Variants in GPR149 observed in about 807,000 individuals in gnomAD.
GPR149 encodes probable G protein-coupled receptor 149.
Under a neutral mutation model 50.2 loss-of-function variants are expected in GPR149, and 50 were observed. That is an observed-to-expected ratio of 1.00 (90% confidence interval 0.79 to 1.26). GPR149 has a LOEUF of 1.26. GPR149 is among the 50% of genes most tolerant of loss of function. GPR149 has a pLI of 0.00. For synonymous variants in GPR149, 405 were observed against 358.2 expected (o/e 1.13, Z -1.48); for missense variants, 983 against 895.4 (o/e 1.10, Z -1.25).
chr3:154,410,968 G>T (rs1452147654), intron 3 of GPR149, among the ~76,000 whole-genome samples: 1 of 151,890 alleles, frequency 6.6e-6, no homozygotes, highest in East Asian at 1.9e-4. Flanking sequence ...GTAAATTTAA[G>T]AAAATTAACA....
At chr3:154,353,103 A>G (rs1280332536) in intron 3 of GPR149, 17 of 1,472,040 alleles carry the variant, frequency 1.2e-5, no homozygotes, top group South Asian at 2.3e-5. Context: ...ATTCTGTTTT[A>G]TGTGTGGATT....
In GPR149 at chr3:154,409,038, T is replaced by C. The variant is rs912259577; in HGVS notation, c.1623+12001A>G. On this transcript the variant is annotated intron_variant, in intron 3 of 3. Coordinates refer to ENST00000389740, the MANE Select transcript of GPR149 (RefSeq NM_001038705.3). Reference sequence around the variant, plus strand: ...TATCCGTGTCTGCAAGATCTGAAGATGATCACATCACAGGACTCTTTGCAG... The same window carrying C: ...TATCCGTGTCTGCAAGATCTGAAGACGATCACATCACAGGACTCTTTGCAG... 4.6e-5 allele frequency among the ~76,000 whole-genome samples: 7 copies of C among 152,214 alleles called. 1 individual carries two copies. The highest frequency in any genetic ancestry group is 1.2e-4 in the African/African-American group (5 of 41,460).
At chr3:154,348,460 G>T (rs1713985470) in intron 3 of GPR149, among the ~76,000 whole-genome samples, 1 of 152,112 alleles carries the variant, frequency 6.6e-6, no homozygotes, top group Non-Finnish European at 1.5e-5. Context: ...TGGCTATAGT[G>T]ATATCACATA....
Position 154,429,046 on chromosome 3 carries a change from G to C in GPR149, c.570C>G (p.Tyr190Ter), listed in dbSNP as rs1283242910. Residue 190 changes from tyrosine (Y) to a stop codon, truncating the protein, a stop_gained, in exon 1 of 4, where the codon TAC (tyrosine) becomes TAG (stop). Transcript: ENST00000389740. LOFTEE classifies it high-confidence loss of function. ...WGCLVDCSSSYVLFLSIVYAL... is the reference protein window; with the variant it reads ...WGCLVDCSSS ...CGTACACGATAGAGAGGAATAGTAC[G>C]TAGGAGCTGGAGCAGTCCACCAGGC... 2 of 1,613,986 alleles carry C rather than the reference G, an allele frequency of 1.2e-6. No homozygotes were observed. Among genetic ancestry groups the C allele is most frequent in the East Asian group, 2.2e-5 (1 of 44,856 alleles).
At chr3:154,347,511 G>A (rs1713959667) in intron 3 of GPR149, among the ~76,000 whole-genome samples, 1 of 152,166 alleles carries the variant, frequency 6.6e-6, no homozygotes, top group Admixed American at 6.5e-5. Flanking sequence ...ATGATGTGTG[G>A]GGATTATGGG....
intron 3 of GPR149, among the ~76,000 whole-genome samples, chr3:154,367,922 C>T (rs1443751429): frequency 5.3e-5 from 8 of 152,200 alleles, no homozygotes; most frequent in Admixed American, 5.2e-4. Context: ...AGAGGCTAAA[C>T]TGGGCACCTG....
intron 3 of GPR149, among the ~76,000 whole-genome samples, chr3:154,401,304 C>T (rs1327320471): frequency 6.6e-6 from 1 of 152,162 alleles, no homozygotes; most frequent in Non-Finnish European, 1.5e-5. Context: ...GAAAAGGTGG[C>T]TCTTGAATAG....
At chr3:154,348,762 G>C (rs1426822720) in intron 3 of GPR149, among the ~76,000 whole-genome samples, 1 of 152,234 alleles carries the variant, frequency 6.6e-6, no homozygotes, top group African/African-American at 2.4e-5. Flanking sequence ...ATCAACATTT[G>C]TAGAAAATGT....
intron 2 of GPR149, among the ~76,000 whole-genome samples, chr3:154,424,369 G>A (rs1712235244): frequency 6.6e-6 from 1 of 151,734 alleles, no homozygotes; most frequent in Non-Finnish European, 1.5e-5. Context: ...AATCATGCTT[G>A]GTGTGATAGG....
intron 3 of GPR149, among the ~76,000 whole-genome samples, chr3:154,346,203 C>T (rs1400134270): frequency 1.3e-5 from 2 of 151,926 alleles, no homozygotes; most frequent in Non-Finnish European, 2.9e-5. Context: ...AAGTGGAACA[C>T]GACCATTTAA....
At chr3:154,406,778 GA>G (rs1162517876) in intron 3 of GPR149, among the ~76,000 whole-genome samples, 21 of 152,186 alleles carry the variant, frequency 1.4e-4, no homozygotes, top group African/African-American at 4.8e-4. Flanking sequence ...GAACAAGGTG[GA>G]AAGAATGAGA....
intron 3 of GPR149, among the ~76,000 whole-genome samples, chr3:154,398,038 C>T (rs1715334825): frequency 7.0e-6 from 1 of 143,188 alleles, no homozygotes; most frequent in South Asian, 2.3e-4. Context: ...ATGTGCTACA[C>T]ATTCTTTATA....
chr3:154,396,132 G>A lies in GPR149; in HGVS notation c.1623+24907C>T, dbSNP rs185498515. 2.2e-3 allele frequency among the ~76,000 whole-genome samples: 329 copies of A among 151,910 alleles called. 1 individual carries two copies. Among genetic ancestry groups the A allele is most frequent in the African/African-American group, 7.3e-3 (301 of 41,434 alleles). On this transcript the variant is annotated intron_variant, in intron 3 of 3. Coordinates refer to ENST00000389740, the MANE Select transcript of GPR149 (RefSeq NM_001038705.3). The stretch of plus-strand genomic sequence containing the variant: ...ATAAAATTACATAAATTTTTCATTC[G>A]GATCAACTCCCATTTTTAAATTAGG...
rs763019058 is a variant in GPR149, at chr3:154,337,777, C to T, written c.2118G>A (p.Glu706=). The change falls in exon 4 of 4, where the codon GAG becomes GAA. Residue 706 remains glutamate (E), a synonymous_variant. Coordinates refer to ENST00000389740, the MANE Select transcript of GPR149 (RefSeq NM_001038705.3). ...HRQNSKRQHQ[E]RDGYQEEIQL... ...GGATTTCCTCCTGGTAGCCATCCCTCTCTTGATGCTGCCTTTTACTGTTCT... is the reference window on the plus strand; with the variant it reads ...GGATTTCCTCCTGGTAGCCATCCCTTTCTTGATGCTGCCTTTTACTGTTCT... 3 of 1,613,674 alleles carry T rather than the reference C, an allele frequency of 1.9e-6. No homozygotes were observed. The Admixed American group carries it at 5.0e-5, about 27-fold the overall frequency.
Position 154,359,198 on chromosome 3 carries a change from A to G in GPR149, c.1624-20927T>C, listed in dbSNP as rs180900281. On this transcript the variant is annotated intron_variant, in intron 3 of 3. Transcript: ENST00000389740. ...TCTAGAAAATAATTTGATAAGTTTAATATTTATGCCTTAAAAACATAACAT... is the reference window on the plus strand; with the variant it reads ...TCTAGAAAATAATTTGATAAGTTTAGTATTTATGCCTTAAAAACATAACAT... 1.6e-3 allele frequency among the ~76,000 whole-genome samples: 245 copies of G among 152,304 alleles called. 1 individual carries two copies. The highest frequency in any genetic ancestry group is 5.6e-3 in the African/African-American group (232 of 41,564).
Position 154,409,688 on chromosome 3 carries a change from A to G in GPR149, c.1623+11351T>C, listed in dbSNP as rs187261008. ...CAAATCCATCAAAGATACAGAAAAA[A>G]GAATTTTTAAAAATGTACAAAGCCT... On this transcript the variant is annotated intron_variant, in intron 3 of 3. Coordinates refer to ENST00000389740, the MANE Select transcript of GPR149 (RefSeq NM_001038705.3). Among the ~76,000 whole-genome samples the G allele has an allele frequency of 1.2e-4, 18 of 152,258 alleles. No homozygotes were observed. In the East Asian group the frequency reaches 3.3e-3, roughly 28 times the overall value.
intron 3 of GPR149, among the ~76,000 whole-genome samples, chr3:154,404,271 C>A (rs1438310808): frequency 1.3e-5 from 2 of 152,060 alleles, no homozygotes; most frequent in Non-Finnish European, 2.9e-5. Context: ...TTGAGATATA[C>A]CTTTACACAT....
intron 3 of GPR149, among the ~76,000 whole-genome samples, chr3:154,361,739 T>C (rs1714411617): frequency 6.6e-6 from 1 of 152,208 alleles, no homozygotes; most frequent in African/African-American, 2.4e-5. Context: ...TTAGAACCAA[T>C]AATTCCCTTT....
At chr3:154,393,482 G>C (rs1006188855) in intron 3 of GPR149, among the ~76,000 whole-genome samples, 1 of 151,964 alleles carries the variant, frequency 6.6e-6, no homozygotes, top group African/African-American at 2.4e-5. Context: ...ACTCAATAGT[G>C]AAGAGCTTTT....
Sources: allele counts gnomAD v4.1 joint callset (sites outside exome capture counted in the v4.1 genomes callset), GRCh38; gene constraint gnomAD v4.1.1; transcripts MANE v1.5; gene names NCBI Gene and HGNC (gene_info 2026-07-23, HGNC 2026-07-21).